IL16: variants seen among roughly 807,000 people sequenced by gnomAD.
IL16 encodes interleukin 16.
A neutral mutation model predicts 110.1 loss-of-function variants in IL16; 67 were observed. That is an observed-to-expected ratio of 0.61 (90% CI 0.50 to 0.75). The LOEUF is 0.75. Ranked by LOEUF, IL16 falls within the 30% of genes least tolerant of loss-of-function variation. The pLI, the probability that IL16 is intolerant of heterozygous loss-of-function variation, is 0.00. For synonymous variants in IL16, 689 were observed against 662.9 expected (o/e 1.04, Z -0.61); for missense variants, 1,545 against 1,655.0 (o/e 0.93, Z 1.15).
intron 2 of IL16, among the ~76,000 whole-genome samples, chr15:81,235,127 G>A (rs1486755340): frequency 6.6e-6 from 1 of 152,162 alleles, no homozygotes; most frequent in Non-Finnish European, 1.5e-5. Flanking sequence ...CTTGAACTGT[G>A]CATACCAGTG....
chr15:81,273,585 C>T (rs1898755884), intron 6 of IL16, among the ~76,000 whole-genome samples: 2 of 152,184 alleles, frequency 1.3e-5, no homozygotes, highest in South Asian at 2.1e-4. Flanking sequence ...TTAACACCCC[C>T]TCTCCTTCAT....
chr15:81,238,188 C>T (rs1437961617), intron 2 of IL16, among the ~76,000 whole-genome samples: 1 of 152,204 alleles, frequency 6.6e-6, no homozygotes, highest in Non-Finnish European at 1.5e-5. Flanking sequence ...AGGCGTGAGC[C>T]ACTGCGCCCG....
At chr15:81,263,398 G>A (rs1330581792) in intron 3 of IL16, among the ~76,000 whole-genome samples, 1 of 144,114 alleles carries the variant, frequency 6.9e-6, no homozygotes, top group Non-Finnish European at 1.5e-5. Context: ...CCAGCTTTCA[G>A]TTAACTCACT....
chr15:81,255,329 G>A (rs559256776), intron 2 of IL16, among the ~76,000 whole-genome samples: 29 of 152,240 alleles, frequency 1.9e-4, no homozygotes, highest in East Asian at 1.7e-3. Flanking sequence ...TTCACACCAC[G>A]GCCATGTTGA....
At chr15:81,182,760 C>G in exon 1 of IL16, 5 of 661,528 alleles carry the variant, frequency 7.6e-6, no homozygotes, top group South Asian at 7.4e-5. Flanking sequence ...TTCAAATACT[C>G]CCAGCCGAGA....
chr15:81,313,529 T>C lies in IL16; in HGVS notation c.*4731T>C, dbSNP rs771267582. ...GATACAGTGATCGCGTCTCATCCCT[T>C]GCTGTGCCCTCCACCCAGGAGTCCT... On this transcript the variant is annotated 3_prime_UTR_variant, in exon 19 of 19. Coordinates refer to ENST00000683961, the MANE Select transcript of IL16 (RefSeq NM_172217.5). The C allele has an allele frequency of 2.6e-5, 24 of 907,986 alleles. No homozygotes were observed. The highest frequency in any genetic ancestry group is 3.7e-5 in the Non-Finnish European group (24 of 647,280). The allele number at this position is 907,986 out of a possible 1,614,324, so 56.2% of individuals were successfully genotyped here.
At chr15:81,305,752 C>T in intron 16 of IL16, 156 bp from the exon 17 acceptor site, 1 of 836,694 alleles carries the variant, frequency 1.2e-6, no homozygotes, top group Non-Finnish European at 1.8e-6. Context: ...GAATGCTGGC[C>T]TCTGTGCCAG....
intron 8 of IL16, among the ~76,000 whole-genome samples, chr15:81,280,788 C>T (rs1194043681): frequency 6.6e-6 from 1 of 152,204 alleles, no homozygotes. Flanking sequence ...TGGCACAATG[C>T]TTGGCATAAG....
At chr15:81,187,004 A>C (rs1200077538) in intron 1 of IL16, among the ~76,000 whole-genome samples, 1 of 152,118 alleles carries the variant, frequency 6.6e-6, no homozygotes, top group Non-Finnish European at 1.5e-5. Context: ...TGGGGATTAA[A>C]TAAAGAGTAC....
At chr15:81,296,839 GT>G in intron 12 of IL16, 88 bp from the exon 13 acceptor site, 2 of 1,237,026 alleles carry the variant, frequency 1.6e-6, no homozygotes, top group Non-Finnish European at 2.3e-6. Flanking sequence ...CTCAATATCC[GT>G]TTTTCCGTCC....
chr15:81,306,044 G>A lies in IL16; in HGVS notation c.3557G>A (p.Arg1186Gln), dbSNP rs768819659. Residue 1186 changes from arginine (R) to glutamine (Q), a missense_variant, in exon 17 of 19, where the codon CGA becomes CAA. Arg to Gln is a conservative substitution (Grantham distance 43). Coordinates refer to ENST00000683961, the MANE Select transcript of IL16 (RefSeq NM_172217.5). ...HDALAILRQA[R>Q]EPRQAVIVTR... ...GCCTTGGCCATCCTCCGCCAAGCTCGAGAGCCCAGGCAAGCTGTGATTGTC... is the reference window on the plus strand; with the variant it reads ...GCCTTGGCCATCCTCCGCCAAGCTCAAGAGCCCAGGCAAGCTGTGATTGTC... 14 of 1,614,218 alleles carry A rather than the reference G, an allele frequency of 8.7e-6. No homozygotes were observed. The Admixed American group carries it at 1.3e-4, about 15-fold the overall frequency.
chr15:81,298,778 C>T (rs573278283), intron 13 of IL16, among the ~76,000 whole-genome samples: 21 of 152,324 alleles, frequency 1.4e-4, no homozygotes, highest in African/African-American at 4.6e-4. Flanking sequence ...GCTTCAGGGC[C>T]AGGCAGGTAC....
intron 1 of IL16, among the ~76,000 whole-genome samples, chr15:81,217,204 C>T (rs1426776130): frequency 1.3e-5 from 2 of 151,870 alleles, no homozygotes; most frequent in African/African-American, 4.8e-5. Flanking sequence ...GAAGGGGAGG[C>T]CAACAGAAAT....
At chr15:81,206,898 T>TGATGAC (rs1414367043) in intron 1 of IL16, among the ~76,000 whole-genome samples, 1 of 148,250 alleles carries the variant, frequency 6.7e-6, no homozygotes, top group East Asian at 1.9e-4. Context: ...ATGATGACGA[T>TGATGAC]GACATGGTGG....
At chr15:81,205,857 G>A (rs1895997582) in intron 1 of IL16, among the ~76,000 whole-genome samples, 1 of 152,140 alleles carries the variant, frequency 6.6e-6, no homozygotes, top group Non-Finnish European at 1.5e-5. Flanking sequence ...AGAAAGTGAG[G>A]TGTCAGTGTT....
chr15:81,249,160 A>G (rs1186526794), intron 2 of IL16, among the ~76,000 whole-genome samples: 1 of 152,198 alleles, frequency 6.6e-6, no homozygotes, highest in African/African-American at 2.4e-5. Flanking sequence ...TCACCCCAAT[A>G]GTATGTTTTC....
intron 10 of IL16, 58 bp downstream of exon 10, chr15:81,285,888 G>T (rs1899428822): frequency 6.4e-7 from 1 of 1,569,506 alleles, no homozygotes; most frequent in Non-Finnish European, 8.7e-7. Context: ...TACCAAAATT[G>T]GAACAAGAAA....
At chr15:81,201,491 T>C (rs1243245665) in intron 1 of IL16, among the ~76,000 whole-genome samples, 1 of 152,236 alleles carries the variant, frequency 6.6e-6, no homozygotes, top group Non-Finnish European at 1.5e-5. Flanking sequence ...GAAGGAGATC[T>C]TAGTTGTTCA....
chr15:81,231,326 CTCTCT>C (rs1567008623), intron 2 of IL16, among the ~76,000 whole-genome samples: 83 of 65,998 alleles, frequency 1.3e-3, no homozygotes, highest in African/African-American at 7.2e-3. Flanking sequence ...GTCGGTCTGT[CTCTCT>C]CTCTCTCTCT....
Sources: allele counts gnomAD v4.1 joint callset (sites outside exome capture counted in the v4.1 genomes callset), GRCh38; gene constraint gnomAD v4.1.1; transcripts MANE v1.5; gene names NCBI Gene and HGNC (gene_info 2026-07-23, HGNC 2026-07-21).